KANK1: variants seen among roughly 807,000 people sequenced by gnomAD.
KANK1 encodes KN motif and ankyrin repeat domains 1, also known as KN motif and ankyrin repeat domain-containing protein 1.
In KANK1, 109 loss-of-function variants were observed where a neutral mutation model predicts 106.2. That is an observed-to-expected ratio of 1.03 (90% CI 0.88 to 1.20). The LOEUF (loss-of-function observed/expected upper bound fraction) is 1.20. KANK1 is among the 50% of genes most tolerant of loss of function. The pLI is 0.00. For synonymous variants in KANK1, 873 were observed against 652.2 expected (o/e 1.34, Z -5.16); for missense variants, 2,399 against 1,710.7 (o/e 1.40, Z -7.10).
intron 1 of KANK1, among the ~76,000 whole-genome samples, chr9:584,056 C>G (rs779850680): frequency 6.6e-6 from 1 of 152,044 alleles, no homozygotes; most frequent in Non-Finnish European, 1.5e-5. Context: ...TTGACCTTAT[C>G]CCAGGCAAAT....
intron 1 of KANK1, among the ~76,000 whole-genome samples, chr9:666,868 C>G (rs73370839): frequency 0.041 from 5,049 of 122,796 alleles, 284 homozygotes; most frequent in African/African-American, 0.14. Flanking sequence ...ATTTTTCTAT[C>G]TGTGTTCATC....
chr9:611,465 A>G (rs1444577366), intron 1 of KANK1, among the ~76,000 whole-genome samples: 1 of 152,146 alleles, frequency 6.6e-6, no homozygotes, highest in Non-Finnish European at 1.5e-5. Flanking sequence ...TCTGTCTCTC[A>G]TGCTTTTCAG....
intron 3 of KANK1, among the ~76,000 whole-genome samples, chr9:494,474 G>C (rs558924539): frequency 5.3e-5 from 8 of 152,218 alleles, no homozygotes; most frequent in African/African-American, 1.9e-4. Flanking sequence ...TTTGTACCTG[G>C]TTTGGTCTGT....
At chr9:714,697 G>A (rs1441310152) in intron 3 of KANK1, among the ~76,000 whole-genome samples, 1 of 152,014 alleles carries the variant, frequency 6.6e-6, no homozygotes, top group Non-Finnish European at 1.5e-5. Context: ...ATTCTTTCTC[G>A]TATTCATTGG....
At chr9:649,487 G>A (rs1299186351) in intron 1 of KANK1, among the ~76,000 whole-genome samples, 1 of 152,200 alleles carries the variant, frequency 6.6e-6, no homozygotes, top group African/African-American at 2.4e-5. Flanking sequence ...GATTTACAGA[G>A]TGTGGATTTG....
At chr9:523,372 G>A (rs2059636487) in intron 1 of KANK1, among the ~76,000 whole-genome samples, 1 of 151,486 alleles carries the variant, frequency 6.6e-6, no homozygotes, top group African/African-American at 2.4e-5. Flanking sequence ...AATCTGCATC[G>A]TCCTCCCTCT....
intron 1 of KANK1, among the ~76,000 whole-genome samples, chr9:505,566 G>A (rs1417286242): frequency 6.6e-6 from 1 of 152,226 alleles, no homozygotes; most frequent in African/African-American, 2.4e-5. Flanking sequence ...CCTTCACCCG[G>A]GTCCCGTGGA....
chr9:585,732 A>G (rs903388800), intron 1 of KANK1, among the ~76,000 whole-genome samples: 5 of 152,184 alleles, frequency 3.3e-5, no homozygotes, highest in African/African-American at 1.2e-4. Flanking sequence ...CTTCGGATTC[A>G]AACTGGGCCT....
At chr9:471,219 G>A (rs576920143) in intron 2 of KANK1, among the ~76,000 whole-genome samples, 7 of 152,272 alleles carry the variant, frequency 4.6e-5, no homozygotes, top group Middle Eastern at 6.8e-3. Flanking sequence ...CAGAGCTGGC[G>A]AAGCTGGGCC....
At chr9:581,774 A>T (rs923585023) in intron 1 of KANK1, among the ~76,000 whole-genome samples, 1 of 152,128 alleles carries the variant, frequency 6.6e-6, no homozygotes, top group African/African-American at 2.4e-5. Context: ...CTGAGAAGTT[A>T]TCCGTTTACA....
chr9:499,336 G>A (rs10974841), intron 3 of KANK1, among the ~76,000 whole-genome samples: 24,851 of 152,002 alleles, frequency 0.16, 4,009 homozygotes, highest in African/African-American at 0.42. Flanking sequence ...AACAACCTCA[G>A]TGTCCATCAA....
chr9:557,523 A>G (rs1021470501), intron 1 of KANK1, among the ~76,000 whole-genome samples: 4 of 152,222 alleles, frequency 2.6e-5, no homozygotes, highest in Non-Finnish European at 5.9e-5. Context: ...AAATGTCCAT[A>G]TCATCCTGGA....
At chr9:668,020 C>G (rs749539447) in intron 1 of KANK1, among the ~76,000 whole-genome samples, 4 of 152,122 alleles carry the variant, frequency 2.6e-5, no homozygotes, top group Non-Finnish European at 4.4e-5. Context: ...CATGAGCCAC[C>G]ACACCTAGCC....
intron 2 of KANK1, among the ~76,000 whole-genome samples, chr9:686,411 C>G (rs980017375): frequency 2.0e-5 from 3 of 152,154 alleles, no homozygotes; most frequent in Admixed American, 6.5e-5. Flanking sequence ...ACCTGCTGAG[C>G]TTATGCAGCA....
intron 1 of KANK1, among the ~76,000 whole-genome samples, chr9:652,252 G>A (rs1249049740): frequency 6.6e-6 from 1 of 152,014 alleles, no homozygotes; most frequent in Non-Finnish European, 1.5e-5. Flanking sequence ...CAGGTGCGAC[G>A]GTTTACTCCT....
intron 1 of KANK1, among the ~76,000 whole-genome samples, chr9:586,091 T>G (rs1017242743): frequency 2.6e-5 from 4 of 152,186 alleles, no homozygotes; most frequent in African/African-American, 7.2e-5. Flanking sequence ...GCATAAGATG[T>G]CATTATTATT....
At chr9:669,947 T>C (rs76264120) in intron 1 of KANK1, among the ~76,000 whole-genome samples, 1,989 of 152,322 alleles carry the variant, frequency 0.013, 49 homozygotes, top group African/African-American at 0.046. Flanking sequence ...TTCTCCTCTA[T>C]GTAATTTCAA....
intron 1 of KANK1, among the ~76,000 whole-genome samples, chr9:507,709 C>T (rs570425177): frequency 1.9e-4 from 29 of 152,074 alleles, no homozygotes; most frequent in African/African-American, 7.0e-4. Flanking sequence ...GGCACCGTGT[C>T]ACCACACCCA....
At chr9:526,965 T>C (rs1439222009) in intron 1 of KANK1, among the ~76,000 whole-genome samples, 1 of 151,856 alleles carries the variant, frequency 6.6e-6, no homozygotes. Context: ...ATAATGTTTA[T>C]AGTATTATTT....
Sources: allele counts gnomAD v4.1 joint callset (sites outside exome capture counted in the v4.1 genomes callset), GRCh38; gene constraint gnomAD v4.1.1; transcripts MANE v1.5; gene names NCBI Gene and HGNC (gene_info 2026-07-23, HGNC 2026-07-21).